The following ROS1 variants were observed in gnomAD, a reference collection of about 807,000 sequenced individuals.
The protein encoded by ROS1 is proto-oncogene tyrosine-protein kinase ROS.
In ROS1, 263 loss-of-function variants were observed where a neutral mutation model predicts 273.5. That is an observed-to-expected ratio of 0.96 (90% CI 0.87 to 1.06). The LOEUF is 1.06. ROS1 is among the 50% of genes least tolerant of loss of function. The probability of loss-of-function intolerance (pLI) is 0.00; values close to 1 mark genes in which losing one functional copy is unlikely to be tolerated. For missense variants in ROS1, 2,833 were observed against 2,751.1 expected (o/e 1.03, Z -0.67); for synonymous variants, 1,008 against 954.1 (o/e 1.06, Z -1.04).
At chr6:117,319,721 G>T in intron 37 of ROS1, 147 bp downstream of exon 37, 2 of 645,866 alleles carry the variant, frequency 3.1e-6, no homozygotes, top group African/African-American at 1.8e-5. Context: ...TTTTTTAAAT[G>T]TGATTTCTGT....
intron 5 of ROS1, among the ~76,000 whole-genome samples, chr6:117,407,388 A>C (rs1774499424): frequency 1.3e-5 from 2 of 152,196 alleles, no homozygotes; most frequent in African/African-American, 4.8e-5. Flanking sequence ...GAGTTAACAC[A>C]CTAAGGCAAA....
intron 37 of ROS1, among the ~76,000 whole-genome samples, chr6:117,319,388 A>G (rs1442062817): frequency 6.6e-6 from 1 of 152,174 alleles, no homozygotes; most frequent in African/African-American, 2.4e-5. Flanking sequence ...TGAAAATAAT[A>G]TAAAATTCAA....
chr6:117,320,150 G>A (rs2128559598), intron 36 of ROS1, 120 bp from the exon 37 acceptor site: 1 of 879,880 alleles, frequency 1.1e-6, no homozygotes, highest in Non-Finnish European at 1.7e-6. Flanking sequence ...TTGCAGTATT[G>A]TGTGTTTTAT....
intron 17 of ROS1, 67 bp from the exon 18 acceptor site, chr6:117,379,226 C>T (rs905025597): frequency 4.5e-6 from 4 of 892,492 alleles, no homozygotes. Context: ...GTGAACAGGT[C>T]ACACTTAAGC....
chr6:117,313,498 G>A (rs1045957804), intron 39 of ROS1, among the ~76,000 whole-genome samples: 4 of 151,872 alleles, frequency 2.6e-5, no homozygotes, highest in African/African-American at 9.7e-5. Context: ...ACTTGAACCT[G>A]GGAGGCAGAG....
chr6:117,350,068 A>G (rs1017731535), intron 27 of ROS1, among the ~76,000 whole-genome samples: 1 of 151,982 alleles, frequency 6.6e-6, no homozygotes, highest in Non-Finnish European at 1.5e-5. Context: ...ACTTTCACTT[A>G]TTTATTCTCT....
At chr6:117,293,055 C>T (rs1773956004) in intron 43 of ROS1, among the ~76,000 whole-genome samples, 1 of 152,124 alleles carries the variant, frequency 6.6e-6, no homozygotes, top group African/African-American at 2.4e-5. Flanking sequence ...CTTCTTCTAT[C>T]CTGAAATACA....
At chr6:117,361,663 ATCTT>A (rs1779814316) in intron 22 of ROS1, among the ~76,000 whole-genome samples, 1 of 151,288 alleles carries the variant, frequency 6.6e-6, no homozygotes, top group Admixed American at 6.6e-5. Context: ...AACGTGTACT[ATCTT>A]TAACTTTCAT....
At chr6:117,412,029 TG>T in intron 4 of ROS1, among the ~76,000 whole-genome samples, 1 of 152,244 alleles carries the variant, frequency 6.6e-6, no homozygotes, top group East Asian at 1.9e-4. Context: ...TGCAGAGATT[TG>T]GGCAAAAGCA....
At chr6:117,331,255 A>T (rs1777056603) in intron 32 of ROS1, among the ~76,000 whole-genome samples, 1 of 152,194 alleles carries the variant, frequency 6.6e-6, no homozygotes, top group Non-Finnish European at 1.5e-5. Flanking sequence ...TTTGAAGACT[A>T]CCTTATTGAA....
intron 18 of ROS1, among the ~76,000 whole-genome samples, chr6:117,377,267 C>A (rs1047909419): frequency 2.0e-5 from 3 of 152,094 alleles, no homozygotes; most frequent in African/African-American, 4.8e-5. Context: ...CCCATCACCA[C>A]GCTCAGCTAG....
intron 41 of ROS1, 25 bp from the exon 42 acceptor site, chr6:117,308,953 T>C (rs1392005881): frequency 6.2e-7 from 1 of 1,603,828 alleles, no homozygotes; most frequent in Non-Finnish European, 8.5e-7. Flanking sequence ...GGGTTTGCTT[T>C]AATTATACTT....
Position 117,319,901 on chromosome 6 carries a change from T to C in ROS1, c.5889A>G (p.Gly1963=), listed in dbSNP as rs1206644873. Residue 1963 remains glycine, a synonymous_variant, in exon 37 of 44, where the codon GGA becomes GGG. Coordinates refer to ENST00000368507, the MANE Select transcript of ROS1 (RefSeq NM_001378902.1). ...CTACTTTGATTTCTCCACTTCCAACTCCTAAGATGTCCACTGCTGTTCCTT... is the reference window on the plus strand; with the variant it reads ...CTACTTTGATTTCTCCACTTCCAACCCCTAAGATGTCCACTGCTGTTCCTT... ...VYEGTAVDIL[G]VGSGEIKVAV... The C allele has an allele frequency of 2.5e-6, 4 of 1,613,304 alleles. No homozygotes were observed. The Admixed American group carries it at 5.0e-5, about 20-fold the overall frequency.
At chr6:117,332,473 C>T (rs573887464) in intron 32 of ROS1, among the ~76,000 whole-genome samples, 1 of 152,318 alleles carries the variant, frequency 6.6e-6, no homozygotes, top group South Asian at 2.1e-4. Flanking sequence ...AGGACTTGAA[C>T]TTAGCTCTGG....
At position 117,336,622 on chromosome 6, in the gene ROS1, C is replaced by T. The variant is rs561955379; in HGVS notation, c.5230+550G>A. On this transcript the variant is annotated intron_variant, in intron 32 of 43. Transcript: ENST00000368507. ...AAATGATTCATTATTGTGAATAGTG[C>T]TACAGTGAACATACGTGTGCATGTA... Among the ~76,000 whole-genome samples the T allele has an allele frequency of 3.7e-4, 57 of 152,220 alleles. No individual in the cohort carries two copies. The South Asian group carries it at 0.011, about 30-fold the overall frequency.
chr6:117,301,204 G>A lies in ROS1; in HGVS notation c.6552-67C>T, dbSNP rs958417080. On this transcript the variant is annotated intron_variant, in intron 42 of 43. Transcript: ENST00000368507. ...ATATAATTACTGATAACCCAGGTAG[G>A]GTCATTTTAGAAAGGAAAGAATCTG... is the stretch of plus-strand genomic sequence containing the variant. The A allele has an allele frequency of 3.0e-6, 4 of 1,332,456 alleles. No homozygotes were observed. The African/African-American group carries it at 6.1e-5, about 20-fold the overall frequency. 82.5% of individuals were successfully genotyped at this position (1,332,456 alleles called of 1,614,324 possible).
intron 18 of ROS1, among the ~76,000 whole-genome samples, chr6:117,371,352 A>G (rs1427084699): frequency 6.6e-6 from 1 of 152,138 alleles, no homozygotes; most frequent in Non-Finnish European, 1.5e-5. Context: ...TTGACCTCAC[A>G]TGCAGCTGAG....
At chr6:117,364,680 T>A (rs1780061334) in intron 21 of ROS1, among the ~76,000 whole-genome samples, 1 of 152,216 alleles carries the variant, frequency 6.6e-6, no homozygotes, top group Admixed American at 6.5e-5. Context: ...AATTTAGATA[T>A]CAGTTATTCA....
At chr6:117,345,308 T>G (rs2128627736) in intron 27 of ROS1, among the ~76,000 whole-genome samples, 1 of 152,372 alleles carries the variant, frequency 6.6e-6, no homozygotes, top group South Asian at 2.1e-4. Flanking sequence ...ATGCATCATT[T>G]TTCCTGGGAA....
Sources: allele counts gnomAD v4.1 joint callset (sites outside exome capture counted in the v4.1 genomes callset), GRCh38; gene constraint gnomAD v4.1.1; transcripts MANE v1.5; gene names NCBI Gene and HGNC (gene_info 2026-07-23, HGNC 2026-07-21).